The following CDH6 variants were observed in gnomAD, a reference collection of about 807,000 sequenced individuals.
CDH6 encodes the protein cadherin-6.
Under a neutral mutation model 78.0 loss-of-function variants are expected in CDH6, and 31 were observed. The observed-to-expected ratio is 0.40, with a 90% confidence interval of 0.30 to 0.54. The LOEUF is 0.54. CDH6 is among the 20% of genes least tolerant of loss of function. CDH6 has a pLI of 0.56. For synonymous variants in CDH6, 376 were observed against 368.8 expected, an observed-to-expected ratio of 1.02 and a Z score of -0.23; for missense variants, 724 against 975.9, an observed-to-expected ratio of 0.74 and a Z score of 3.44.
chr5:31,199,490 A>G (rs963356065), intron 1 of CDH6, among the ~76,000 whole-genome samples: 11 of 84,048 alleles, frequency 1.3e-4, no homozygotes, highest in South Asian at 8.2e-4. Context: ...GTATATATGT[A>G]CACACACATA....
intron 2 of CDH6, among the ~76,000 whole-genome samples, chr5:31,290,533 C>A (rs1035504397): frequency 6.6e-6 from 1 of 151,556 alleles, no homozygotes; most frequent in Non-Finnish European, 1.5e-5. Flanking sequence ...TGTTTAACTT[C>A]TGTCTTTTAC....
chr5:31,297,662 G>A (rs1280698493), intron 4 of CDH6, among the ~76,000 whole-genome samples: 1 of 152,118 alleles, frequency 6.6e-6, no homozygotes, highest in Non-Finnish European at 1.5e-5. Flanking sequence ...CTTCCAGTTT[G>A]GGGTGAAGCT....
rs1738671577 is a variant in CDH6, at chr5:31,328,822, A to G, written c.*5514A>G. The G allele has an allele frequency of 4.6e-6, 1 of 218,218 alleles. No homozygotes were observed. The highest frequency in any genetic ancestry group is 9.2e-6 in the Non-Finnish European group (1 of 108,626). 13.5% of individuals were successfully genotyped at this position (218,218 alleles called of 1,614,324 possible). A position where few individuals can be genotyped will look rare whatever the true frequency, so the allele number is the denominator to read the frequency against. On this transcript the variant is annotated 3_prime_UTR_variant, in exon 12 of 12. Coordinates refer to ENST00000265071, the MANE Select transcript of CDH6 (RefSeq NM_004932.4). Reference sequence around the variant, plus strand: ...CAAGAACACCTGATGAAAGCAAGCAATGCTCAGTTCCCATCAACATTTCTA... The same window carrying G: ...CAAGAACACCTGATGAAAGCAAGCAGTGCTCAGTTCCCATCAACATTTCTA...
At chr5:31,199,681 G>GTA (rs1245875943) in intron 1 of CDH6, among the ~76,000 whole-genome samples, 2 of 66,022 alleles carry the variant, frequency 3.0e-5, no homozygotes, top group Admixed American at 1.8e-4. Flanking sequence ...GTGTGTGTGT[G>GTA]TGTGTATATA....
rs1031671092 is a variant in CDH6 at position 31,328,155 on chromosome 5, T to A, written c.*4847T>A. On this transcript the variant is annotated 3_prime_UTR_variant, in exon 12 of 12. Transcript: ENST00000265071. The stretch of plus-strand genomic sequence containing the variant: ...GTTATTAGATTAATTTCAAAAGAGC[T>A]TTTACAAGTTGCTTAATTCCTTTTT... 1 of 210,996 alleles carries A rather than the reference T, an allele frequency of 4.7e-6. No homozygotes were observed. Among genetic ancestry groups the A allele is most frequent in the Non-Finnish European group, 9.6e-6 (1 of 104,456 alleles). 13.1% of individuals were successfully genotyped at this position (210,996 alleles called of 1,614,324 possible).
chr5:31,244,803 A>G (rs1162492732), intron 1 of CDH6, among the ~76,000 whole-genome samples: 1 of 152,190 alleles, frequency 6.6e-6, no homozygotes, highest in African/African-American at 2.4e-5. Context: ...AGAACCATCT[A>G]TGCCTGGGGC....
chr5:31,320,326 A>G (rs557195167), intron 11 of CDH6, among the ~76,000 whole-genome samples: 2 of 152,306 alleles, frequency 1.3e-5, no homozygotes, highest in South Asian at 4.1e-4. Flanking sequence ...GATTTTTTGA[A>G]AGTGCCCTCT....
intron 1 of CDH6, among the ~76,000 whole-genome samples, chr5:31,255,996 A>G (rs1451362367): frequency 2.0e-5 from 3 of 152,336 alleles, no homozygotes; most frequent in Middle Eastern, 3.4e-3. Context: ...CAACGCTAAC[A>G]GGCAAGTATC....
At chr5:31,249,526 G>C (rs1200429539) in intron 1 of CDH6, 2 of 152,234 alleles carry the variant, frequency 1.3e-5, no homozygotes, top group Admixed American at 1.3e-4. Flanking sequence ...CCAGAATGAG[G>C]AAGGAACAAG....
intron 1 of CDH6, among the ~76,000 whole-genome samples, chr5:31,223,482 G>A (rs28576104): frequency 0.12 from 18,877 of 152,176 alleles, 1,397 homozygotes; most frequent in East Asian, 0.27. Flanking sequence ...TAGGAGTTTT[G>A]TAAATCCAGT....
intron 1 of CDH6, among the ~76,000 whole-genome samples, chr5:31,203,981 C>T (rs1231023309): frequency 6.6e-6 from 1 of 152,142 alleles, no homozygotes; most frequent in Non-Finnish European, 1.5e-5. Flanking sequence ...GAGTCACTTA[C>T]GAGTTAATGT....
rs759996870 is a variant in CDH6 at position 31,294,250 on chromosome 5, G to T, written c.517G>T (p.Asp173Tyr). ...CACAGCCACTGTCCCTGAAATGTCT[G>T]ATGTCGGTGAGTGAGACGTGACTTC... ...VYTATVPEMS[D>Y]VGTFVVQVTA... Residue 173 changes from aspartate (D) to tyrosine (Y), a missense_variant, in exon 3 of 12, where the codon GAT becomes TAT. Transcript: ENST00000265071. The surrounding 1 kb of genome is among the most constrained non-coding windows in gnomAD (Gnocchi z 4.1). 1 of 1,611,222 alleles carries T rather than the reference G, an allele frequency of 6.2e-7. No individual in the cohort carries two copies. Among genetic ancestry groups the T allele is most frequent in the South Asian group, 1.1e-5 (1 of 90,624 alleles).
At chr5:31,316,914 T>C (rs534347569) in intron 9 of CDH6, among the ~76,000 whole-genome samples, 1 of 152,366 alleles carries the variant, frequency 6.6e-6, no homozygotes, top group Non-Finnish European at 1.5e-5. Flanking sequence ...GGTTATGTAA[T>C]GCTAAGAGTG....
Position 31,299,574 on chromosome 5 carries a change from A to T in CDH6, c.754A>T (p.Thr252Ser). The change falls in exon 5 of 12, where the codon ACC (threonine) becomes TCC (serine). Residue 252 changes from threonine (T) to serine (S), a missense_variant. Physicochemically the swap from Thr to Ser is moderately conservative, Grantham distance 58. Coordinates refer to ENST00000265071, the MANE Select transcript of CDH6 (RefSeq NM_004932.4). ...GGQMGGLSGTTTVNITLTDVN... is the reference protein window; with the variant it reads ...GGQMGGLSGTSTVNITLTDVN... ...CCAGATGGGAGGATTATCTGGGACC[A>T]CCACCGTGAACATCACACTGACTGA... The T allele has an allele frequency of 6.2e-7, 1 of 1,614,028 alleles. No homozygotes were observed. Among genetic ancestry groups the T allele is most frequent in the Non-Finnish European group, 8.5e-7 (1 of 1,179,928 alleles).
intron 2 of CDH6, among the ~76,000 whole-genome samples, chr5:31,291,195 G>A (rs762790906): frequency 4.6e-5 from 7 of 151,396 alleles, no homozygotes; most frequent in East Asian, 2.0e-4. Context: ...GCCCCCCGCC[G>A]CCCAGTTAAA....
intron 2 of CDH6, among the ~76,000 whole-genome samples, chr5:31,270,952 G>A (rs1034990333): frequency 1.3e-5 from 2 of 152,046 alleles, no homozygotes; most frequent in African/African-American, 2.4e-5. Context: ...AGAATAGTTC[G>A]CTTGACATAT....
At chr5:31,302,461 GC>G (rs1561065459) in intron 6 of CDH6, 163 bp downstream of exon 6, 3 of 543,420 alleles carry the variant, frequency 5.5e-6, no homozygotes, top group Non-Finnish European at 9.5e-6. Flanking sequence ...GGTGGCTCCC[GC>G]CTGTAATCCC....
At chr5:31,255,390 A>T in intron 1 of CDH6, among the ~76,000 whole-genome samples, 1 of 152,240 alleles carries the variant, frequency 6.6e-6, no homozygotes, top group East Asian at 1.9e-4. Flanking sequence ...ATATTTAAAC[A>T]TGTATTAATT....
At chr5:31,268,275 G>C (rs1742416795) in intron 2 of CDH6, among the ~76,000 whole-genome samples, 1 of 152,120 alleles carries the variant, frequency 6.6e-6, no homozygotes. Flanking sequence ...GCAAAAAACA[G>C]GTATTTCAAA....
Sources: allele counts gnomAD v4.1 joint callset (sites outside exome capture counted in the v4.1 genomes callset), GRCh38; gene constraint gnomAD v4.1.1; non-coding constraint Gnocchi (gnomAD v3.1); transcripts MANE v1.5; gene names NCBI Gene and HGNC (gene_info 2026-07-23, HGNC 2026-07-21).